The following TIAM1 variants were observed in gnomAD, a reference collection of about 807,000 sequenced individuals.
TIAM1 encodes TIAM Rac1 associated GEF 1, also known as rho guanine nucleotide exchange factor TIAM1.
Under a neutral mutation model 163.5 loss-of-function variants are expected in TIAM1, and 65 were observed. That is an observed-to-expected ratio of 0.40 (90% CI 0.33 to 0.49). The LOEUF (loss-of-function observed/expected upper bound fraction) is 0.49, where lower values mean the gene tolerates loss of function less well. TIAM1 is among the 20% of genes least tolerant of loss of function. The pLI is 0.77. For synonymous variants in TIAM1, 833 were observed against 810.1 expected (o/e 1.03, Z -0.48); for missense variants, 1,789 against 2,044.7 (o/e 0.87, Z 2.41).
At chr21:31,321,310 G>C (rs1448018940) in intron 2 of TIAM1, among the ~76,000 whole-genome samples, 1 of 150,918 alleles carries the variant, frequency 6.6e-6, no homozygotes, top group Non-Finnish European at 1.5e-5. Flanking sequence ...TGCCTTCTCA[G>C]AGTACGTTAT....
intron 11 of TIAM1, among the ~76,000 whole-genome samples, chr21:31,203,816 G>C (rs984555276): frequency 2.0e-5 from 3 of 152,218 alleles, no homozygotes; most frequent in Non-Finnish European, 4.4e-5. Context: ...ATTTGCAAGC[G>C]AGTCAGTGTG....
Position 31,395,577 on chromosome 21 carries a change from T to C in TIAM1, c.-368-56155A>G, listed in dbSNP as rs774796321. On this transcript the variant is annotated intron_variant, in intron 2 of 28. Transcript: ENST00000286827. This position sits in a 1 kb window ranked among gnomAD's most constrained non-coding sequence, Gnocchi z 7.5. Reference sequence around the variant, plus strand: ...TGCCACAGGAGAATGTATTGTTCTCTCCAACTGAGAAAGCAGATTGCGTTA... The same window carrying C: ...TGCCACAGGAGAATGTATTGTTCTCCCCAACTGAGAAAGCAGATTGCGTTA... Among the ~76,000 whole-genome samples, 12 of 152,172 alleles carry C rather than the reference T, an allele frequency of 7.9e-5. No individual in the cohort carries two copies. Among genetic ancestry groups the C allele is most frequent in the Non-Finnish European group, 1.3e-4 (9 of 68,042 alleles).
In TIAM1 at chr21:31,230,867, C is replaced by T. The variant is rs562874575; in HGVS notation, c.1585-4917G>A. 1.1e-3 allele frequency among the ~76,000 whole-genome samples: 169 copies of T among 152,202 alleles called. 6 individuals are homozygous for T. In the South Asian group the frequency reaches 0.026, roughly 23 times the overall value. On this transcript the variant is annotated intron_variant, in intron 6 of 27. Transcript: ENST00000541036. The stretch of plus-strand genomic sequence containing the variant: ...TATTTTTAGTAGAGAGGGGTTTCAC[C>T]GTGTTGGCCAGGGTGGTCCTAAACT...
rs1016551097 is a variant in TIAM1 at position 31,141,702 on chromosome 21, G to C, written c.3476-198C>G. 6.6e-6 allele frequency among the ~76,000 whole-genome samples: 1 copy of C among 152,098 alleles called. No individual in the cohort carries two copies. The highest frequency in any genetic ancestry group is 2.4e-5 in the African/African-American group (1 of 41,418). On this transcript the variant is annotated intron_variant, in intron 20 of 27. Coordinates refer to ENST00000541036, the MANE Select transcript of TIAM1 (RefSeq NM_001353694.2). The surrounding 1 kb of genome is among the most constrained non-coding windows in gnomAD (Gnocchi z 4.7). ...GTCAGATCTATGTATTTATGTGTTGGGGGTGGGGTGGGGAGAAGCCTGATG... is the reference window on the plus strand; with the variant it reads ...GTCAGATCTATGTATTTATGTGTTGCGGGTGGGGTGGGGAGAAGCCTGATG...
At chr21:31,242,971 G>T (rs1438215837) in intron 6 of TIAM1, among the ~76,000 whole-genome samples, 1 of 150,794 alleles carries the variant, frequency 6.6e-6, no homozygotes, top group African/African-American at 2.4e-5. Context: ...TGGATTACCT[G>T]AGGTCAGGAG....
chr21:31,485,101 T>C (rs2046229471), intron 1 of TIAM1, among the ~76,000 whole-genome samples: 1 of 71,292 alleles, frequency 1.4e-5, no homozygotes, highest in Non-Finnish European at 2.9e-5. Context: ...ACCCAATCTC[T>C]GAATAATTTC....
chr21:31,160,506 C>T (rs775572449), intron 16 of TIAM1: 6 of 398,520 alleles, frequency 1.5e-5, no homozygotes, highest in Non-Finnish European at 2.2e-5. Flanking sequence ...CCTGGGCTTG[C>T]GCTTTATTTT....
At chr21:31,410,614 G>C (rs916102413) in intron 2 of TIAM1, among the ~76,000 whole-genome samples, 2 of 152,076 alleles carry the variant, frequency 1.3e-5, no homozygotes, top group Non-Finnish European at 2.9e-5. Context: ...AGAGTGAATT[G>C]AGTGTTAGTG....
At chr21:31,494,719 T>C (rs979571023) in intron 1 of TIAM1, among the ~76,000 whole-genome samples, 1 of 152,288 alleles carries the variant, frequency 6.6e-6, no homozygotes, top group African/African-American at 2.4e-5. Flanking sequence ...GGCACATGCC[T>C]GTAGTCCCAG....
intron 1 of TIAM1, among the ~76,000 whole-genome samples, chr21:31,486,050 C>T (rs896193593): frequency 6.6e-6 from 1 of 152,204 alleles, no homozygotes; most frequent in Non-Finnish European, 1.5e-5. Flanking sequence ...ACAAGCTGCA[C>T]ACCACTGAGT....
intron 2 of TIAM1, among the ~76,000 whole-genome samples, chr21:31,289,537 T>C (rs1401866020): frequency 3.3e-5 from 5 of 152,202 alleles, no homozygotes; most frequent in Non-Finnish European, 5.9e-5. Context: ...AAAAGTGACC[T>C]AAGCTCATTT....
chr21:31,436,731 G>C (rs1411011193), intron 2 of TIAM1, among the ~76,000 whole-genome samples: 1 of 152,152 alleles, frequency 6.6e-6, no homozygotes, highest in Non-Finnish European at 1.5e-5. Flanking sequence ...GCCAATGCAG[G>C]CAGATCGTCT....
At chr21:31,139,180 T>C (rs2082736734) in intron 22 of TIAM1, among the ~76,000 whole-genome samples, 1 of 152,242 alleles carries the variant, frequency 6.6e-6, no homozygotes, top group Admixed American at 6.5e-5. Context: ...TTTTCCTAAA[T>C]TCTTTGCAAC....
At chr21:31,198,182 C>T (rs545268212) in intron 12 of TIAM1, among the ~76,000 whole-genome samples, 6 of 152,310 alleles carry the variant, frequency 3.9e-5, no homozygotes, top group Admixed American at 3.9e-4. Flanking sequence ...GACCACACAG[C>T]CATTCGTCCA....
chr21:31,464,583 C>T (rs1188166167), intron 1 of TIAM1, among the ~76,000 whole-genome samples: 2 of 152,070 alleles, frequency 1.3e-5, no homozygotes, highest in Non-Finnish European at 2.9e-5. Context: ...TGGCTCACGC[C>T]TGTAATCCTA....
At chr21:31,482,110 T>C (rs1005324527) in intron 1 of TIAM1, among the ~76,000 whole-genome samples, 17 of 148,730 alleles carry the variant, frequency 1.1e-4, no homozygotes, top group East Asian at 3.9e-4. Flanking sequence ...CATATATATA[T>C]ACACACATAT....
chr21:31,543,017 C>T (rs1053431700), intron 1 of TIAM1, among the ~76,000 whole-genome samples: 4 of 152,036 alleles, frequency 2.6e-5, no homozygotes, highest in Non-Finnish European at 4.4e-5. Context: ...GAAGGGCTCA[C>T]CTTGGAATCA....
intron 4 of TIAM1, among the ~76,000 whole-genome samples, chr21:31,257,113 C>T (rs971366122): frequency 2.0e-4 from 31 of 152,166 alleles, no homozygotes; most frequent in African/African-American, 4.6e-4. Flanking sequence ...AAAATGGTGA[C>T]GTTCTCTACA....
At chr21:31,311,626 G>A (rs1410710140) in intron 2 of TIAM1, among the ~76,000 whole-genome samples, 2 of 152,184 alleles carry the variant, frequency 1.3e-5, no homozygotes, top group African/African-American at 4.8e-5. Flanking sequence ...GCCTATTTAT[G>A]CCTGGTACTT....
Sources: allele counts gnomAD v4.1 joint callset (sites outside exome capture counted in the v4.1 genomes callset), GRCh38; gene constraint gnomAD v4.1.1; non-coding constraint Gnocchi (gnomAD v3.1); transcripts MANE v1.5; gene names NCBI Gene and HGNC (gene_info 2026-07-23, HGNC 2026-07-21).